The following RIMS1 variants were observed in gnomAD, a reference collection of about 807,000 sequenced individuals.
RIMS1 encodes regulating synaptic membrane exocytosis 1, also known as regulating synaptic membrane exocytosis protein 1.
RIMS1 carries 83 observed loss-of-function variants against 214.1 expected under a neutral mutation model. That is an observed-to-expected ratio of 0.39 (90% CI 0.32 to 0.47). The LOEUF (loss-of-function observed/expected upper bound fraction) is 0.47. RIMS1 is among the 20% of genes least tolerant of loss of function. RIMS1 has a pLI of 0.99. For missense variants in RIMS1, 2,050 were observed against 2,161.8 expected (o/e 0.95, Z 1.03); for synonymous variants, 793 against 786.8 (o/e 1.01, Z -0.13).
chr6:72,024,492 T>C (rs1329808437), intron 2 of RIMS1, among the ~76,000 whole-genome samples: 1 of 152,130 alleles, frequency 6.6e-6, no homozygotes, highest in East Asian at 1.9e-4. Flanking sequence ...TACAAGGCAC[T>C]CAAATAATAT....
chr6:72,173,877 A>T (rs957712696), intron 4 of RIMS1, among the ~76,000 whole-genome samples: 2 of 152,072 alleles, frequency 1.3e-5, no homozygotes, highest in African/African-American at 4.8e-5. Context: ...AGCCATTAGG[A>T]TGGAGAAAAC....
intron 2 of RIMS1, among the ~76,000 whole-genome samples, chr6:72,089,539 C>T (rs560676683): frequency 1.2e-4 from 18 of 152,084 alleles, no homozygotes; most frequent in South Asian, 4.2e-4. Context: ...CCTTGACCTC[C>T]GAGGCTTAAA....
intron 4 of RIMS1, among the ~76,000 whole-genome samples, chr6:72,101,490 T>G (rs2033570298): frequency 6.6e-6 from 1 of 151,984 alleles, no homozygotes; most frequent in Non-Finnish European, 1.5e-5. Flanking sequence ...AGAGAATAAC[T>G]GACTATTAAA....
chr6:71,921,537 C>A (rs2150759174), intron 1 of RIMS1, among the ~76,000 whole-genome samples: 1 of 152,358 alleles, frequency 6.6e-6, no homozygotes. Flanking sequence ...CAAACACAGA[C>A]TTGATTTGGC....
At chr6:72,288,122 A>G (rs2092706426) in intron 24 of RIMS1, among the ~76,000 whole-genome samples, 1 of 152,152 alleles carries the variant, frequency 6.6e-6, no homozygotes, top group Non-Finnish European at 1.5e-5. Flanking sequence ...CTAGACAGAA[A>G]AGAGAGCAAG....
At chr6:72,268,518 A>G (rs926791972) in intron 22 of RIMS1, among the ~76,000 whole-genome samples, 4 of 152,244 alleles carry the variant, frequency 2.6e-5, no homozygotes, top group Non-Finnish European at 5.9e-5. Flanking sequence ...CCTTTAACAC[A>G]AGTTTTCTGT....
intron 2 of RIMS1, among the ~76,000 whole-genome samples, chr6:72,048,023 A>G (rs928797577): frequency 2.2e-4 from 33 of 152,328 alleles, no homozygotes; most frequent in Admixed American, 1.6e-3. Context: ...GCACTTTTCT[A>G]TGTAGTTGGA....
intron 2 of RIMS1, among the ~76,000 whole-genome samples, chr6:72,001,699 A>G (rs1040206273): frequency 3.3e-5 from 5 of 152,190 alleles, no homozygotes; most frequent in Non-Finnish European, 5.9e-5. Flanking sequence ...TTGATTGTAT[A>G]TTGTATCAAA....
intron 2 of RIMS1, among the ~76,000 whole-genome samples, chr6:72,024,900 GTTTTTTTTTT>G (rs777214787): frequency 9.1e-5 from 9 of 98,666 alleles, no homozygotes; most frequent in Admixed American, 6.7e-4. Flanking sequence ...AAATCTGTGG[GTTTTTTTTTT>G]TTTTTTTTTT....
chr6:72,367,696 A>G (rs1255766002), intron 29 of RIMS1, among the ~76,000 whole-genome samples: 2 of 152,172 alleles, frequency 1.3e-5, no homozygotes, highest in East Asian at 1.9e-4. Context: ...ACATACATAT[A>G]TATATTCAAA....
chr6:72,304,975 A>T (rs2095012331), intron 26 of RIMS1, among the ~76,000 whole-genome samples: 2 of 151,868 alleles, frequency 1.3e-5, no homozygotes, highest in African/African-American at 2.4e-5. Context: ...CCTTTCACAG[A>T]TTAAATAAGG....
rs533384268 is a variant in RIMS1 at position 72,228,393 on chromosome 6, T to C, written c.1679-5380T>C. On this transcript the variant is annotated intron_variant, in intron 6 of 33. Transcript: ENST00000521978. ...CTATTTTAGATTCCTCATATAATAC[T>C]ACTTATACTCCTCATTATGTTCCTC... Among the ~76,000 whole-genome samples the C allele has an allele frequency of 1.8e-3, 279 of 152,084 alleles. 1 individual carries two copies. The highest frequency in any genetic ancestry group is 6.5e-3 in the African/African-American group (272 of 41,554).
intron 2 of RIMS1, among the ~76,000 whole-genome samples, chr6:71,973,792 AGC>A (rs1796476535): frequency 6.6e-6 from 1 of 152,218 alleles, no homozygotes; most frequent in Admixed American, 6.5e-5. Context: ...GCCAATAGGA[AGC>A]TGGGAGCTGT....
intron 4 of RIMS1, among the ~76,000 whole-genome samples, chr6:72,134,253 C>T (rs2040911758): frequency 6.6e-6 from 1 of 151,836 alleles, no homozygotes; most frequent in African/African-American, 2.4e-5. Context: ...TACCTTCATA[C>T]AGAAAAAATA....
chr6:71,984,889 A>C (rs796141112), intron 2 of RIMS1, among the ~76,000 whole-genome samples: 4 of 152,032 alleles, frequency 2.6e-5, no homozygotes, highest in African/African-American at 9.6e-5. Flanking sequence ...GTATAAAAGG[A>C]AAGTCCAACA....
chr6:72,002,352 G>A (rs907450951), intron 2 of RIMS1, among the ~76,000 whole-genome samples: 1 of 151,990 alleles, frequency 6.6e-6, no homozygotes, highest in Non-Finnish European at 1.5e-5. Flanking sequence ...AATATGAAAG[G>A]TGATGTAGCA....
intron 6 of RIMS1, among the ~76,000 whole-genome samples, chr6:72,222,548 C>T (rs1488850211): frequency 3.3e-5 from 5 of 151,998 alleles, no homozygotes; most frequent in African/African-American, 4.8e-5. Context: ...CTTTTTGTTG[C>T]GTTGATAAAT....
At position 72,135,485 on chromosome 6, in the gene RIMS1, T is replaced by C. The variant is rs193284490; in HGVS notation, c.471+35499T>C. Among the ~76,000 whole-genome samples, 8 of 152,254 alleles carry C rather than the reference T, an allele frequency of 5.3e-5. No homozygotes were observed. The East Asian group carries it at 1.5e-3, about 29-fold the overall frequency. ...AGCTAACTCTCTAACACTTGAAAAC[T>C]TGTAGACAGTACTCTAAGGAAATTT... is the stretch of plus-strand genomic sequence containing the variant. On this transcript the variant is annotated intron_variant, in intron 4 of 33. Transcript: ENST00000521978.
chr6:72,390,712 T>A lies in RIMS1; in HGVS notation c.4481T>A (p.Ile1494Asn), dbSNP rs1015412242. ...QPSRESTDGS[I>N]NSYSSEGNLI... ...AGCCGAGAGTCTACTGATGGCAGCA[T>A]CAACAGTTACAGCTCTGAGGGCAAG... The change falls in exon 30 of 34, where the codon ATC becomes AAC. Residue 1494 changes from isoleucine to asparagine, a missense_variant. By Grantham distance (149) the Ile-to-Asn change is moderately radical. Coordinates refer to ENST00000521978, the MANE Select transcript of RIMS1 (RefSeq NM_014989.7). 5.9e-5 allele frequency: 96 copies of A among 1,613,764 alleles called. No homozygotes were observed. Among genetic ancestry groups the A allele is most frequent in the Non-Finnish European group, 7.9e-5 (93 of 1,179,802 alleles).
Sources: allele counts gnomAD v4.1 joint callset (sites outside exome capture counted in the v4.1 genomes callset), GRCh38; gene constraint gnomAD v4.1.1; transcripts MANE v1.5; gene names NCBI Gene and HGNC (gene_info 2026-07-23, HGNC 2026-07-21).